The following DUSP23 variants were observed in gnomAD, a reference collection of about 807,000 sequenced individuals.
DUSP23 encodes the protein dual specificity protein phosphatase 23.
A neutral mutation model predicts 13.3 loss-of-function variants in DUSP23; 10 were observed. The ratio of observed to expected loss-of-function variants is 0.75; its 90% CI spans 0.46 to 1.27. The LOEUF is 1.27. Ranked by LOEUF, DUSP23 falls within the 50% of genes most tolerant of loss-of-function variation. DUSP23 has a pLI of 0.00. For synonymous variants in DUSP23, 107 were observed against 95.3 expected (o/e 1.12, Z -0.72); for missense variants, 228 against 204.8 (o/e 1.11, Z -0.69).
rs1661864753 is a variant in DUSP23 at position 159,781,351 on chromosome 1, C to T, written c.251C>T (p.Ala84Val). 1 of 1,525,656 alleles carries T rather than the reference C, an allele frequency of 6.6e-7. No homozygotes were observed. The highest frequency in any genetic ancestry group is 2.5e-5 in the East Asian group (1 of 40,134). 94.5% of individuals were successfully genotyped at this position (1,525,656 alleles called of 1,614,324 possible). A position where few individuals can be genotyped will look rare whatever the true frequency, so the allele number is the denominator to read the frequency against. Residue 84 changes from alanine to valine, a missense_variant, in exon 1 of 2, where the codon GCC (alanine) becomes GTC (valine). Ala to Val is a moderately conservative substitution (Grantham distance 64). Coordinates refer to ENST00000368107, the MANE Select transcript of DUSP23 (RefSeq NM_001319658.2). The part of the protein sequence containing the change: ...IDRFVQIVDE[A>V]NARGEAVGVH... ...CGCTTCGTGCAGATCGTGGACGAGG[C>T]CAACGCACGGGGAGAGGTCAGCGGG...
chr1:159,782,432 C>G lies in DUSP23; in HGVS notation c.*94C>G. The G allele has an allele frequency of 7.1e-7, 1 of 1,406,946 alleles. No individual in the cohort carries two copies. Among genetic ancestry groups the G allele is most frequent in the Non-Finnish European group, 9.7e-7 (1 of 1,035,288 alleles). 87.2% of individuals were successfully genotyped at this position (1,406,946 alleles called of 1,614,324 possible). A position where few individuals can be genotyped will look rare whatever the true frequency, so the allele number is the denominator to read the frequency against. Reference sequence around the variant, plus strand: ...AGGGAAGTGGACTAAAGTATTAAACCCTCTAGCTCCCATTGGCTGAAGACA... The same window carrying G: ...AGGGAAGTGGACTAAAGTATTAAACGCTCTAGCTCCCATTGGCTGAAGACA... On this transcript the variant is annotated 3_prime_UTR_variant, in exon 2 of 2. Transcript: ENST00000368107.
chr1:159,781,524 C>G (rs897716900), intron 1 of DUSP23, among the ~76,000 whole-genome samples, 157 bp downstream of exon 1: 2 of 152,086 alleles, frequency 1.3e-5, no homozygotes, highest in African/African-American at 4.8e-5. Flanking sequence ...GGGAGGGAAG[C>G]GCTAAACGGA....
rs1661895214 is a variant in DUSP23, at chr1:159,782,241, G to A, written c.356G>A (p.Gly119Glu). 2.5e-6 allele frequency: 4 copies of A among 1,614,056 alleles called. No homozygotes were observed. The highest frequency in any genetic ancestry group is 3.4e-6 in the Non-Finnish European group (4 of 1,180,026). The change falls in exon 2 of 2, where the codon GGA becomes GAA. Residue 119 changes from glycine (G) to glutamate (E), a missense_variant. Coordinates refer to ENST00000368107, the MANE Select transcript of DUSP23 (RefSeq NM_001319658.2). The stretch of plus-strand genomic sequence containing the variant: ...GTGAAGGAGCGGGGCTTGGCTGCAG[G>A]AGATGCCATTGCTGAAATCCGACGA... Reference protein sequence around the residue: ...YLVKERGLAAGDAIAEIRRLR... With the variant: ...YLVKERGLAAEDAIAEIRRLR...
Position 159,781,271 on chromosome 1 carries a change from C to G in DUSP23, c.171C>G (p.Thr57=), listed in dbSNP as rs1160381414. 2.6e-6 allele frequency: 4 copies of G among 1,548,028 alleles called. No homozygotes were observed. Among genetic ancestry groups the G allele is most frequent in the Admixed American group, 2.0e-5 (1 of 50,914 alleles). Residue 57 remains threonine, a synonymous_variant, in exon 1 of 2, where the codon ACC becomes ACG. Coordinates refer to ENST00000368107, the MANE Select transcript of DUSP23 (RefSeq NM_001319658.2). ...ACAGCGACAGCTGCCCCGGCCTCAC[C>G]CTGCACCGCCTGCGCATCCCCGACT... ...PPHSDSCPGL[T]LHRLRIPDFC... is the part of the protein sequence containing the mutation.
At position 159,781,017 on chromosome 1, in the gene DUSP23, G is replaced by A. The variant is rs768449730; in HGVS notation, c.-84G>A. On this transcript the variant is annotated 5_prime_UTR_variant, in exon 1 of 2. Coordinates refer to ENST00000368107, the MANE Select transcript of DUSP23 (RefSeq NM_001319658.2). ...AGGTAGGTGGTGAGTTACTTGGCTC[G>A]GAGCGGGCGAGGGGACGCGTGGGCG... 2.0e-5 allele frequency: 29 copies of A among 1,439,066 alleles called. No individual in the cohort carries two copies. The highest frequency in any genetic ancestry group is 2.6e-5 in the Non-Finnish European group (28 of 1,095,960). The allele number at this position is 1,439,066 out of a possible 1,614,324, so 89.1% of individuals were successfully genotyped here.
At chr1:159,781,967 A>G (rs369843099) in intron 1 of DUSP23, among the ~76,000 whole-genome samples, 186 bp from the exon 2 acceptor site, 40 of 152,102 alleles carry the variant, frequency 2.6e-4, no homozygotes, top group African/African-American at 8.7e-4. Flanking sequence ...GTAGAGGTGG[A>G]CAGCTCTTGA....
rs897043954 is a variant in DUSP23 at position 159,781,176 on chromosome 1, G to A, written c.76G>A (p.Ala26Thr). Reference sequence around the variant, plus strand: ...GGGACTGGCGCTGCCGCGGCTCCCCGCCCACTACCAGTTCCTGTTGGACCT... The same window carrying A: ...GGGACTGGCGCTGCCGCGGCTCCCCACCCACTACCAGTTCCTGTTGGACCT... ...LAGLALPRLP[A>T]HYQFLLDLGV... is the part of the protein sequence containing the mutation. The change falls in exon 1 of 2, where the codon GCC (alanine) becomes ACC (threonine). Residue 26 changes from alanine (A) to threonine (T), a missense_variant. Transcript: ENST00000368107. 1.9e-6 allele frequency: 3 copies of A among 1,548,250 alleles called. No homozygotes were observed. The highest frequency in any genetic ancestry group is 2.7e-5 in the African/African-American group (2 of 72,952).
At position 159,781,139 on chromosome 1, in the gene DUSP23, G is replaced by A. The variant is rs1395092992; in HGVS notation, c.39G>A (p.Pro13=). Residue 13 remains proline (P), a synonymous_variant, in exon 1 of 2, where the codon CCG becomes CCA. Transcript: ENST00000368107. ...VQPPNFSWVL[P]GRLAGLALPR... ...CCCCCAACTTCTCCTGGGTGCTTCC[G>A]GGCCGGCTGGCGGGACTGGCGCTGC... 1 of 1,548,636 alleles carries A rather than the reference G, an allele frequency of 6.5e-7. No homozygotes were observed. Among genetic ancestry groups the A allele is most frequent in the East Asian group, 2.4e-5 (1 of 40,900 alleles).
chr1:159,781,245 CACAGCG>C lies in DUSP23; in HGVS notation c.151_156del (p.Asp51_Ser52del), dbSNP rs2101709475. On this transcript the variant is annotated inframe_deletion, in exon 1 of 2. Transcript: ENST00000368107. ...GTCCCTGACGGAGCGCGGGCCCCCT[CACAGCG>C]ACAGCTGCCCCGGCCTCACCCTGCA... The C allele has an allele frequency of 6.5e-7, 1 of 1,549,080 alleles. No individual in the cohort carries two copies. Among genetic ancestry groups the C allele is most frequent in the African/African-American group, 1.4e-5 (1 of 73,072 alleles).
chr1:159,782,111 G>A (rs371887999), intron 1 of DUSP23, 42 bp from the exon 2 acceptor site: 7 of 1,604,246 alleles, frequency 4.4e-6, no homozygotes, highest in Non-Finnish European at 6.0e-6. Context: ...ACAGTTGTGG[G>A]TGGGGGAGTT....
Position 159,781,160 on chromosome 1 carries a change from G to A in DUSP23, c.60G>A (p.Ala20=). The change falls in exon 1 of 2, where the codon GCG becomes GCA. Residue 20 remains alanine, a synonymous_variant. Transcript: ENST00000368107. The part of the protein sequence containing the change: ...WVLPGRLAGL[A]LPRLPAHYQF... ...TTCCGGGCCGGCTGGCGGGACTGGC[G>A]CTGCCGCGGCTCCCCGCCCACTACC... 6.5e-7 allele frequency: 1 copy of A among 1,548,812 alleles called. No individual in the cohort carries two copies. Among genetic ancestry groups the A allele is most frequent in the Non-Finnish European group, 8.7e-7 (1 of 1,146,542 alleles).
chr1:159,781,513 G>T lies in DUSP23; in HGVS notation c.267+146G>T, dbSNP rs1202745535. On this transcript the variant is annotated intron_variant, in intron 1 of 1. Coordinates refer to ENST00000368107, the MANE Select transcript of DUSP23 (RefSeq NM_001319658.2). ...GCCGGGAGACTGGGAAGCCAGTGCG[G>T]GGGAGGGAAGCGCTAAACGGAAGGA... The T allele has an allele frequency of 3.5e-6, 4 of 1,150,872 alleles. No individual in the cohort carries two copies. In the South Asian group the frequency reaches 5.0e-5, roughly 15 times the overall value. 71.3% of individuals were successfully genotyped at this position (1,150,872 alleles called of 1,614,324 possible).
Position 159,781,030 on chromosome 1 carries a change from G to T in DUSP23, c.-71G>T. 1 of 1,459,818 alleles carries T rather than the reference G, an allele frequency of 6.9e-7. No individual in the cohort carries two copies. The highest frequency in any genetic ancestry group is 9.0e-7 in the Non-Finnish European group (1 of 1,106,454). 90.4% of individuals were successfully genotyped at this position (1,459,818 alleles called of 1,614,324 possible). ...GTTACTTGGCTCGGAGCGGGCGAGG[G>T]GACGCGTGGGCGGAGCGGGGCTGGC... On this transcript the variant is annotated 5_prime_UTR_variant, in exon 1 of 2. Transcript: ENST00000368107.
Position 159,780,996 on chromosome 1 carries a change from A to C in DUSP23, c.-105A>C. On this transcript the variant is annotated 5_prime_UTR_variant, in exon 1 of 2. Transcript: ENST00000368107. ...GGCCCGGGAGGCGCCGAGGCCAGGT[A>C]GGTGGTGAGTTACTTGGCTCGGAGC... 3 of 1,362,868 alleles carry C rather than the reference A, an allele frequency of 2.2e-6. No individual in the cohort carries two copies. The highest frequency in any genetic ancestry group is 1.9e-6 in the Non-Finnish European group (2 of 1,037,562). 84.4% of individuals were successfully genotyped at this position (1,362,868 alleles called of 1,614,324 possible).
chr1:159,781,476 G>A (rs1370375123), intron 1 of DUSP23, 109 bp downstream of exon 1: 10 of 1,351,828 alleles, frequency 7.4e-6, no homozygotes, highest in Non-Finnish European at 9.7e-6. Context: ...GCTCGGGGAG[G>A]CAGACAGTAG....
In DUSP23 at chr1:159,781,284, C is replaced by T. The variant is rs1297300355; in HGVS notation, c.184C>T (p.Arg62Cys). 2 of 1,547,282 alleles carry T rather than the reference C, an allele frequency of 1.3e-6. No homozygotes were observed. The highest frequency in any genetic ancestry group is 1.4e-5 in the African/African-American group (1 of 72,886). ...SCPGLTLHRLRIPDFCPPAPD... is the reference protein window; with the variant it reads ...SCPGLTLHRLCIPDFCPPAPD... ...CCCCGGCCTCACCCTGCACCGCCTG[C>T]GCATCCCCGACTTCTGCCCGCCGGC... is the stretch of plus-strand genomic sequence containing the variant. Residue 62 changes from arginine to cysteine, a missense_variant, in exon 1 of 2, where the codon CGC becomes TGC. Physicochemically the swap from Arg to Cys is radical, Grantham distance 180. Coordinates refer to ENST00000368107, the MANE Select transcript of DUSP23 (RefSeq NM_001319658.2).
chr1:159,781,402 C>T, intron 1 of DUSP23, 35 bp downstream of exon 1: 2 of 1,458,702 alleles, frequency 1.4e-6, no homozygotes, highest in Non-Finnish European at 1.8e-6. Flanking sequence ...GAGGGAGGGG[C>T]CTGGAAGGTC....
At position 159,782,300 on chromosome 1, in the gene DUSP23, G is replaced by C. The variant is rs759386709; in HGVS notation, c.415G>C (p.Glu139Gln). 1 of 1,614,100 alleles carries C rather than the reference G, an allele frequency of 6.2e-7. No individual in the cohort carries two copies. Among genetic ancestry groups the C allele is most frequent in the Admixed American group, 1.7e-5 (1 of 60,020 alleles). Reference sequence around the variant, plus strand: ...CGGCTCCATCGAGACCTATGAGCAGGAGAAAGCAGTCTTCCAGTTCTACCA... The same window carrying C: ...CGGCTCCATCGAGACCTATGAGCAGCAGAAAGCAGTCTTCCAGTTCTACCA... Reference protein sequence around the residue: ...RPGSIETYEQEKAVFQFYQRT... With the variant: ...RPGSIETYEQQKAVFQFYQRT... The change falls in exon 2 of 2, where the codon GAG (glutamate) becomes CAG (glutamine). Residue 139 changes from glutamate (E) to glutamine (Q), a missense_variant. Transcript: ENST00000368107.
At position 159,780,974 on chromosome 1, in the gene DUSP23, C is replaced by G; in HGVS notation, c.-127C>G. The G allele has an allele frequency of 7.9e-7, 1 of 1,267,726 alleles. No homozygotes were observed. The highest frequency in any genetic ancestry group is 1.0e-6 in the Non-Finnish European group (1 of 957,858). The allele number at this position is 1,267,726 out of a possible 1,614,324, so 78.5% of individuals were successfully genotyped here. On this transcript the variant is annotated 5_prime_UTR_variant, in exon 1 of 2. Transcript: ENST00000368107. ...GGCGGCGCCCTGCAGACCACGTGGC[C>G]CGGGAGGCGCCGAGGCCAGGTAGGT...
Sources: gnomAD v4.1 joint callset for allele counts (sites outside exome capture counted in the v4.1 genomes callset) on GRCh38, gnomAD v4.1.1 for gene constraint, MANE v1.5 for transcripts, NCBI Gene and HGNC (gene_info 2026-07-23, HGNC 2026-07-21) for gene names.